The following LIMA1 variants were observed in gnomAD, a reference collection of about 807,000 sequenced individuals.
LIMA1 encodes the protein LIM domain and actin-binding protein 1.
Under a neutral mutation model 62.6 loss-of-function variants are expected in LIMA1, and 52 were observed. The ratio of observed to expected loss-of-function variants is 0.83; its 90% CI spans 0.67 to 1.05. LIMA1 has a LOEUF of 1.05. LIMA1 is among the 50% of genes least tolerant of loss of function. LIMA1 has a pLI of 0.00. For missense variants in LIMA1, 780 were observed against 902.2 expected, an observed-to-expected ratio of 0.86 and a Z score of 1.74; for synonymous variants, 302 against 317.8, an observed-to-expected ratio of 0.95 and a Z score of 0.53.
Position 50,177,925 on chromosome 12 carries a change from C to G in LIMA1, c.1419G>C (p.Glu473Asp). ...CAAGCTGGGCTGGTCTCTCCAAAAT[C>G]TCTTCGTTTTCATTTTTGCTTGCCC... ...DLWASKNENE[E>D]ILERPAQLAN... is the part of the protein sequence containing the mutation. The change falls in exon 11 of 11, where the codon GAG becomes GAC. Residue 473 changes from glutamate to aspartate, a missense_variant. Transcript: ENST00000341247. 1.2e-6 allele frequency: 2 copies of G among 1,614,078 alleles called. No homozygotes were observed. The highest frequency in any genetic ancestry group is 3.3e-4 in the Middle Eastern group (2 of 6,062).
intron 2 of LIMA1, among the ~76,000 whole-genome samples, chr12:50,243,950 T>C (rs1329895405): frequency 1.3e-5 from 2 of 152,044 alleles, no homozygotes; most frequent in Non-Finnish European, 2.9e-5. Flanking sequence ...AGTCTCACTC[T>C]GTTGCCCAGG....
rs201635264 is a variant in LIMA1 at position 50,204,662 on chromosome 12, C to A, written c.754G>T (p.Glu252Ter). ...GGAAGTTCCAGATTTCGTCTACTCT[C>A]ATTTTTCTCCGAGTCAAATGTAGAA... ...SSSTFDSEKNESRRNLELPRL... is the reference protein window; with the variant it reads ...SSSTFDSEKN Residue 252 changes from glutamate to a stop codon, truncating the protein, a stop_gained, in exon 6 of 11, where the codon GAG becomes TAG. Transcript: ENST00000341247. LOFTEE classifies it high-confidence loss of function. The A allele has an allele frequency of 2.5e-6, 4 of 1,614,214 alleles. No homozygotes were observed. Among genetic ancestry groups the A allele is most frequent in the Non-Finnish European group, 3.4e-6 (4 of 1,180,030 alleles).
chr12:50,231,640 T>C, intron 3 of LIMA1, 25 bp downstream of exon 3: 1 of 1,611,802 alleles, frequency 6.2e-7, no homozygotes, highest in Non-Finnish European at 8.5e-7. Flanking sequence ...AAGTGCCACA[T>C]GCCCTGGAAT....
chr12:50,186,593 A>G (rs919618380), intron 9 of LIMA1: 2 of 152,356 alleles, frequency 1.3e-5, no homozygotes, highest in East Asian at 1.9e-4. Context: ...CAATCGCTCC[A>G]GTGATAAGTT....
Position 50,261,042 on chromosome 12 carries a change from A to ATATTTTTTTTT in LIMA1, c.-23-12269_-23-12268insAAAAAAAAATA, listed in dbSNP as rs1383547189. Among the ~76,000 whole-genome samples the ATATTTTTTTTT allele has an allele frequency of 1.6e-3, 85 of 54,290 alleles. 3 individuals carry two copies. Among genetic ancestry groups the ATATTTTTTTTT allele is most frequent in the Admixed American group, 9.4e-3 (28 of 2,982 alleles). The allele number at this position is 54,290 out of a possible 152,430, so 35.6% of individuals were successfully genotyped here. On this transcript the variant is annotated intron_variant, in intron 1 of 10. Coordinates refer to ENST00000341247, the MANE Select transcript of LIMA1 (RefSeq NM_016357.5). Reference sequence around the variant, plus strand: ...CTTTTGCTTTTCTGCCATCTAGTATATTTTTTTTTTTTTTTTTTTTTTTTT... The same window carrying ATATTTTTTTTT: ...CTTTTGCTTTTCTGCCATCTAGTATATATTTTTTTTTTTTTTTTTTTTTTTTTTTTTTTTTT...
chr12:50,193,997 A>ATATATATTTTT (rs1555204707), intron 8 of LIMA1, among the ~76,000 whole-genome samples: 1 of 140,348 alleles, frequency 7.1e-6, no homozygotes, highest in Non-Finnish European at 1.5e-5. Context: ...ATATATATAT[A>ATATATATTTTT]TTTTTTTTGA....
Position 50,177,957 on chromosome 12 carries a change from C to T in LIMA1, c.1387G>A (p.Asp463Asn). The T allele has an allele frequency of 1.2e-6, 2 of 1,613,690 alleles. No homozygotes were observed. Among genetic ancestry groups the T allele is most frequent in the Non-Finnish European group, 1.7e-6 (2 of 1,179,880 alleles). ...DEGFGHRPHK[D>N]LWASKNENEE... ...TTTTCATTTTTGCTTGCCCATAGATCCTTGTGTGGTCTGTGCCCAAAGCCT... is the reference window on the plus strand; with the variant it reads ...TTTTCATTTTTGCTTGCCCATAGATTCTTGTGTGGTCTGTGCCCAAAGCCT... Residue 463 changes from aspartate (D) to asparagine (N), a missense_variant, in exon 11 of 11, where the codon GAT (aspartate) becomes AAT (asparagine). Physicochemically the swap from Asp to Asn is conservative, Grantham distance 23 (BLOSUM62 1). Coordinates refer to ENST00000341247, the MANE Select transcript of LIMA1 (RefSeq NM_016357.5).
rs531803011 is a variant in LIMA1, at chr12:50,180,314, A to G, written c.1274+1590T>C. Among the ~76,000 whole-genome samples the G allele has an allele frequency of 1.3e-4, 19 of 149,548 alleles. 1 individual carries two copies. In the East Asian group the frequency reaches 3.1e-3, roughly 25 times the overall value. On this transcript the variant is annotated intron_variant, in intron 10 of 10. Transcript: ENST00000341247. ...GACTCCATCTCCGGAAAAAAAAAAAAAAAGAAAGAAATTAGCTGGGCGTGG... is the reference window on the plus strand; with the variant it reads ...GACTCCATCTCCGGAAAAAAAAAAAGAAAGAAAGAAATTAGCTGGGCGTGG...
chr12:50,230,258 A>G (rs1265246378), intron 3 of LIMA1, among the ~76,000 whole-genome samples: 2 of 151,956 alleles, frequency 1.3e-5, no homozygotes, highest in Non-Finnish European at 2.9e-5. Flanking sequence ...TGGTCTCCCA[A>G]CTCCTAACTT....
chr12:50,204,363 A>G, intron 6 of LIMA1, 189 bp downstream of exon 6: 2 of 567,914 alleles, frequency 3.5e-6, no homozygotes, highest in Non-Finnish European at 5.6e-6. Flanking sequence ...AGGACTAAGA[A>G]AGCAAAGTCA....
intron 4 of LIMA1, among the ~76,000 whole-genome samples, chr12:50,217,395 T>C (rs1019900123): frequency 1.3e-5 from 2 of 152,116 alleles, no homozygotes; most frequent in African/African-American, 4.8e-5. Flanking sequence ...ATAGAACACC[T>C]ATTGCTAAAT....
intron 6 of LIMA1, 85 bp from the exon 7 acceptor site, chr12:50,200,969 A>G: frequency 6.5e-7 from 1 of 1,530,782 alleles, no homozygotes; most frequent in Non-Finnish European, 8.7e-7. Context: ...ATAAACTTGG[A>G]ATGTTAAAAA....
At chr12:50,278,814 C>T (rs1418397505) in intron 1 of LIMA1, among the ~76,000 whole-genome samples, 1 of 151,916 alleles carries the variant, frequency 6.6e-6, no homozygotes, top group Non-Finnish European at 1.5e-5. Flanking sequence ...AAAGCAGACA[C>T]AAAACTATAT....
chr12:50,261,751 C>T (rs1201531308), intron 1 of LIMA1, among the ~76,000 whole-genome samples: 1 of 152,222 alleles, frequency 6.6e-6, no homozygotes, highest in East Asian at 1.9e-4. Context: ...ATTGCAGCCT[C>T]GAACTCCTGG....
intron 1 of LIMA1, among the ~76,000 whole-genome samples, chr12:50,260,774 T>C (rs1482958062): frequency 6.6e-6 from 1 of 151,896 alleles, no homozygotes; most frequent in African/African-American, 2.4e-5. Flanking sequence ...CCCTAGCTAG[T>C]CAAAAATTCT....
chr12:50,207,576 A>C (rs1220290128), intron 4 of LIMA1, among the ~76,000 whole-genome samples: 1 of 152,200 alleles, frequency 6.6e-6, no homozygotes, highest in African/African-American at 2.4e-5. Flanking sequence ...CAATGGACTA[A>C]TCAACTTTAC....
intron 1 of LIMA1, among the ~76,000 whole-genome samples, chr12:50,255,047 CAAA>C (rs35730958): frequency 6.7e-6 from 1 of 149,272 alleles, no homozygotes; most frequent in Non-Finnish European, 1.5e-5. Context: ...AAAAACAAAA[CAAA>C]AAAAAACCAC....
rs188995000 is a variant in LIMA1, at chr12:50,218,053, C to T, written c.630+3968G>A. 1.4e-3 allele frequency: 212 copies of T among 152,448 alleles called. 1 individual carries two copies. The highest frequency in any genetic ancestry group is 2.1e-3 in the Non-Finnish European group (144 of 68,374). 9.4% of individuals were successfully genotyped at this position (152,448 alleles called of 1,614,324 possible). ...CCGAGTAGCTGGGACTACAGGCGCC[C>T]GCCACCACGCCCAACTAATTTTTTT... On this transcript the variant is annotated intron_variant, in intron 4 of 10. Coordinates refer to ENST00000341247, the MANE Select transcript of LIMA1 (RefSeq NM_016357.5).
intron 7 of LIMA1, among the ~76,000 whole-genome samples, chr12:50,197,127 A>G (rs1040484400): frequency 1.3e-5 from 2 of 150,426 alleles, no homozygotes; most frequent in African/African-American, 2.5e-5. Flanking sequence ...CTGGAATCCA[A>G]TGGTGCGATC....
Sources: gnomAD v4.1 joint callset for allele counts (sites outside exome capture counted in the v4.1 genomes callset) on GRCh38, gnomAD v4.1.1 for gene constraint, MANE v1.5 for transcripts, NCBI Gene and HGNC (gene_info 2026-07-23, HGNC 2026-07-21) for gene names.